Variants in AP3B1 observed in about 807,000 individuals in gnomAD.
The protein encoded by AP3B1 is adaptor related protein complex 3 subunit beta 1, also known as AP-3 complex subunit beta-1.
A neutral mutation model predicts 132.5 loss-of-function variants in AP3B1; 61 were observed. The ratio of observed to expected loss-of-function variants is 0.46; its 90% CI spans 0.37 to 0.57. The LOEUF (loss-of-function observed/expected upper bound fraction) is 0.57, where lower values mean the gene tolerates loss of function less well. Ranked by LOEUF, AP3B1 falls within the 20% of genes least tolerant of loss-of-function variation. The pLI, the probability that AP3B1 is intolerant of heterozygous loss-of-function variation, is 0.00. For synonymous variants in AP3B1, 388 were observed against 438.3 expected (o/e 0.89, Z 1.43); for missense variants, 1,120 against 1,289.4 (o/e 0.87, Z 2.01).
intron 22 of AP3B1, chr5:78,043,304 T>A (rs1432225215): frequency 2.4e-5 from 4 of 163,944 alleles, no homozygotes; most frequent in Non-Finnish European, 5.3e-5. Flanking sequence ...TAATTTTTTG[T>A]ATCTTTTAAA....
intron 7 of AP3B1, among the ~76,000 whole-genome samples, 199 bp downstream of exon 7, chr5:78,215,856 T>G (rs1745938871): frequency 2.0e-5 from 3 of 152,224 alleles, no homozygotes; most frequent in African/African-American, 7.2e-5. Context: ...TAAATATGTA[T>G]CAATCAGTGC....
intron 11 of AP3B1, among the ~76,000 whole-genome samples, chr5:78,173,045 T>C (rs1743989387): frequency 1.3e-5 from 2 of 152,260 alleles, no homozygotes; most frequent in African/African-American, 2.4e-5. Flanking sequence ...GAACAGGTTG[T>C]TCAGTTTCCA....
chr5:78,116,566 C>T (rs1751837994), intron 17 of AP3B1, among the ~76,000 whole-genome samples: 1 of 149,806 alleles, frequency 6.7e-6, no homozygotes, highest in Admixed American at 6.7e-5. Flanking sequence ...GATACAATAA[C>T]AGCAATAACA....
At chr5:78,141,612 G>C (rs2161192) in intron 14 of AP3B1, among the ~76,000 whole-genome samples, 6,201 of 152,250 alleles carry the variant, frequency 0.041, 192 homozygotes, top group East Asian at 0.14. Context: ...AGCCAGTCTA[G>C]CTGCCCATAC....
chr5:78,241,146 CTT>C (rs1211338301), intron 2 of AP3B1, among the ~76,000 whole-genome samples: 2 of 151,534 alleles, frequency 1.3e-5, no homozygotes, highest in Non-Finnish European at 2.9e-5. Context: ...TATTTAGTAA[CTT>C]AAGATATATA....
rs1383503529 is a variant in AP3B1, at chr5:78,278,450, T to A, written c.129-10855A>T. Among the ~76,000 whole-genome samples, 2 of 95,502 alleles carry A rather than the reference T, an allele frequency of 2.1e-5. 1 individual carries two copies. Among genetic ancestry groups the A allele is most frequent in the Non-Finnish European group, 5.5e-5 (2 of 36,596 alleles). 62.7% of individuals were successfully genotyped at this position (95,502 alleles called of 152,430 possible). ...CCGTCTCTACTAAAAATACAAAAAA[T>A]TAGCCGGGCGTAGTGGCGGGCGCCT... On this transcript the variant is annotated intron_variant, in intron 1 of 26. Coordinates refer to ENST00000255194, the MANE Select transcript of AP3B1 (RefSeq NM_003664.5).
chr5:78,286,289 C>T (rs1749277961), intron 1 of AP3B1, among the ~76,000 whole-genome samples: 1 of 152,138 alleles, frequency 6.6e-6, no homozygotes, highest in Non-Finnish European at 1.5e-5. Context: ...TGTGTCCTCT[C>T]CAAAATTCAG....
intron 23 of AP3B1, among the ~76,000 whole-genome samples, chr5:78,035,401 A>G (rs893862854): frequency 6.6e-6 from 1 of 151,994 alleles, no homozygotes; most frequent in African/African-American, 2.4e-5. Flanking sequence ...ACATCCTATC[A>G]CACGTAGTTA....
intron 12 of AP3B1, among the ~76,000 whole-genome samples, chr5:78,164,667 A>T (rs1743534731): frequency 6.6e-6 from 1 of 152,206 alleles, no homozygotes; most frequent in South Asian, 2.1e-4. Flanking sequence ...TAATTTTTTA[A>T]GAAATTTGTC....
chr5:78,047,770 A>G (rs1420240249), intron 22 of AP3B1, among the ~76,000 whole-genome samples: 1 of 152,156 alleles, frequency 6.6e-6, no homozygotes, highest in Non-Finnish European at 1.5e-5. Context: ...TACTCTGGCT[A>G]CTTCTATTGC....
chr5:78,215,837 T>C (rs894465091), intron 7 of AP3B1, among the ~76,000 whole-genome samples: 5 of 152,216 alleles, frequency 3.3e-5, no homozygotes, highest in Admixed American at 6.5e-5. Context: ...GTGTATATAC[T>C]TACACCAATA....
chr5:78,220,859 C>T (rs1022091427), intron 6 of AP3B1, among the ~76,000 whole-genome samples: 15 of 152,074 alleles, frequency 9.9e-5, no homozygotes, highest in African/African-American at 3.6e-4. Flanking sequence ...CCAGCCTGGG[C>T]AACACAGTGG....
intron 8 of AP3B1, 42 bp from the exon 9 acceptor site, chr5:78,177,478 G>C (rs768551988): frequency 7.1e-7 from 1 of 1,401,934 alleles, no homozygotes; most frequent in South Asian, 1.2e-5. Flanking sequence ...ATGAACACTA[G>C]AGCACTCTAC....
At chr5:78,034,170 C>T (rs1011915495) in intron 24 of AP3B1, among the ~76,000 whole-genome samples, 191 bp downstream of exon 24, 3 of 151,800 alleles carry the variant, frequency 2.0e-5, no homozygotes, top group Non-Finnish European at 2.9e-5. Flanking sequence ...AGGTGTGTAA[C>T]GAATGCTAAA....
intron 24 of AP3B1, among the ~76,000 whole-genome samples, chr5:78,026,700 G>A (rs1747353791): frequency 1.3e-5 from 2 of 152,110 alleles, no homozygotes; most frequent in Admixed American, 1.3e-4. Flanking sequence ...TTGCTGAATT[G>A]AAAAGTATGA....
intron 24 of AP3B1, among the ~76,000 whole-genome samples, chr5:78,029,034 A>G (rs924372709): frequency 1.4e-4 from 22 of 152,102 alleles, no homozygotes; most frequent in Non-Finnish European, 2.9e-4. Flanking sequence ...TTAAAAAATG[A>G]GTATTTTCTG....
At chr5:78,076,789 C>T (rs1302598787) in intron 22 of AP3B1, among the ~76,000 whole-genome samples, 2 of 152,156 alleles carry the variant, frequency 1.3e-5, no homozygotes, top group Non-Finnish European at 2.9e-5. Context: ...CAGTGAGCTT[C>T]CCTGGCTGGC....
chr5:78,158,672 C>T (rs928533130), intron 13 of AP3B1, among the ~76,000 whole-genome samples: 5 of 151,420 alleles, frequency 3.3e-5, no homozygotes, highest in Middle Eastern at 3.2e-3. Flanking sequence ...TATCTATATA[C>T]GTTCTATGTT....
intron 15 of AP3B1, among the ~76,000 whole-genome samples, chr5:78,139,054 A>G (rs1056294106): frequency 1.4e-5 from 2 of 146,378 alleles, no homozygotes; most frequent in Admixed American, 1.4e-4. Context: ...AAAAAAAAAA[A>G]CCTGAGTGCA....
Sources: gnomAD v4.1 joint callset for allele counts (sites outside exome capture counted in the v4.1 genomes callset) on GRCh38, gnomAD v4.1.1 for gene constraint, MANE v1.5 for transcripts, NCBI Gene and HGNC (gene_info 2026-07-23, HGNC 2026-07-21) for gene names.